ADAM22: variants seen among roughly 807,000 people sequenced by gnomAD.
ADAM22 encodes the protein ADAM metallopeptidase domain 22.
ADAM22 carries 65 observed loss-of-function variants against 144.6 expected under a neutral mutation model. The ratio of observed to expected loss-of-function variants is 0.45; its 90% CI spans 0.37 to 0.55. The LOEUF (loss-of-function observed/expected upper bound fraction) is 0.55. ADAM22 is among the 20% of genes least tolerant of loss of function. ADAM22 has a pLI of 0.00. For missense variants in ADAM22, 974 were observed against 1,184.9 expected (o/e 0.82, Z 2.61); for synonymous variants, 391 against 412.6 (o/e 0.95, Z 0.63).
intron 3 of ADAM22, among the ~76,000 whole-genome samples, chr7:88,007,368 T>C (rs937897002): frequency 6.6e-6 from 1 of 152,288 alleles, no homozygotes; most frequent in African/African-American, 2.4e-5. Context: ...AAGCTACCAA[T>C]GCCTTTCTTC....
chr7:87,956,261 G>A (rs915374068), intron 2 of ADAM22, among the ~76,000 whole-genome samples: 16 of 152,110 alleles, frequency 1.1e-4, no homozygotes, highest in Non-Finnish European at 2.4e-4. Flanking sequence ...TTCCTATTTG[G>A]CCATCTTGGC....
At chr7:88,113,103 C>A (rs1002689756) in intron 5 of ADAM22, among the ~76,000 whole-genome samples, 7 of 150,048 alleles carry the variant, frequency 4.7e-5, no homozygotes, top group African/African-American at 1.7e-4. Context: ...CTTTCTGCAT[C>A]CCCCCTGCCT....
chr7:88,019,421 G>A (rs1230188433), intron 3 of ADAM22, among the ~76,000 whole-genome samples: 1 of 152,166 alleles, frequency 6.6e-6, no homozygotes, highest in Non-Finnish European at 1.5e-5. Context: ...GTTGCAGTGA[G>A]CCGAGATCAT....
chr7:87,965,258 A>G (rs1048883151), intron 2 of ADAM22, among the ~76,000 whole-genome samples: 1 of 152,228 alleles, frequency 6.6e-6, no homozygotes, highest in South Asian at 2.1e-4. Context: ...TGTCGTTTGC[A>G]TATCCTTAAC....
intron 31 of ADAM22, among the ~76,000 whole-genome samples, chr7:88,195,719 G>C (rs1014199329): frequency 6.6e-6 from 1 of 151,850 alleles, no homozygotes. Flanking sequence ...GGGTTTCACC[G>C]TGTTATGCAG....
rs1325707123 is a variant in ADAM22, at chr7:88,200,537, T to G, written c.*4046T>G. The G allele has an allele frequency of 6.6e-6, 1 of 152,224 alleles. No homozygotes were observed. Among genetic ancestry groups the G allele is most frequent in the Non-Finnish European group, 1.5e-5 (1 of 68,046 alleles). 9.4% of individuals were successfully genotyped at this position (152,224 alleles called of 1,614,324 possible). ...TACCAGTTGGTAAGTTGGCATGAAT[T>G]TTCCATGAAACACTTGACTGCCATT... is the stretch of plus-strand genomic sequence containing the variant. On this transcript the variant is annotated 3_prime_UTR_variant, in exon 32 of 32. Transcript: ENST00000413139.
intron 7 of ADAM22, among the ~76,000 whole-genome samples, chr7:88,124,830 G>C (rs1303150470): frequency 1.3e-5 from 2 of 151,922 alleles, no homozygotes. Context: ...CTCTGACCAT[G>C]CTTATTTCTC....
At chr7:87,983,110 A>G (rs1854103450) in intron 3 of ADAM22, among the ~76,000 whole-genome samples, 1 of 152,176 alleles carries the variant, frequency 6.6e-6, no homozygotes, top group Admixed American at 6.5e-5. Context: ...TTTAATAGCT[A>G]GTATGGAAAT....
At chr7:88,001,666 G>A (rs764267346) in intron 3 of ADAM22, among the ~76,000 whole-genome samples, 1 of 151,938 alleles carries the variant, frequency 6.6e-6, no homozygotes, top group Non-Finnish European at 1.5e-5. Flanking sequence ...GAGGTTTAAG[G>A]TCAGAACTGA....
chr7:88,129,785 G>A (rs1831305223), intron 9 of ADAM22, among the ~76,000 whole-genome samples: 2 of 152,064 alleles, frequency 1.3e-5, no homozygotes, highest in East Asian at 3.9e-4. Flanking sequence ...TTGTTTGCCA[G>A]TTATTACCAG....
At chr7:88,131,652 T>C (rs1261182054) in intron 11 of ADAM22, 2 of 551,734 alleles carry the variant, frequency 3.6e-6, no homozygotes, top group Admixed American at 6.4e-5. Context: ...TAATGTTTAA[T>C]TTTTCAAGAT....
At chr7:88,084,584 TC>T (rs1429419862) in intron 4 of ADAM22, among the ~76,000 whole-genome samples, 3 of 152,340 alleles carry the variant, frequency 2.0e-5, no homozygotes, top group Non-Finnish European at 2.9e-5. Context: ...TTCCCTCCTG[TC>T]TCGACTTCTG....
At chr7:88,069,113 C>G (rs995133767) in intron 3 of ADAM22, among the ~76,000 whole-genome samples, 1 of 151,762 alleles carries the variant, frequency 6.6e-6, no homozygotes, top group Non-Finnish European at 1.5e-5. Flanking sequence ...CTCTCTGGCT[C>G]GCTCTCACCC....
chr7:88,053,517 AG>A (rs1807098587), intron 3 of ADAM22, among the ~76,000 whole-genome samples: 1 of 151,508 alleles, frequency 6.6e-6, no homozygotes, highest in Non-Finnish European at 1.5e-5. Context: ...AAATGCTCAG[AG>A]GCATTCTTAG....
intron 3 of ADAM22, among the ~76,000 whole-genome samples, chr7:88,034,430 A>ATTACTCTTCCC (rs1801021170): frequency 6.6e-6 from 1 of 152,060 alleles, no homozygotes; most frequent in Non-Finnish European, 1.5e-5. Context: ...CGATGTCTTC[A>ATTACTCTTCCC]TTACTCTTCC....
chr7:88,071,711 A>G (rs1161798376), intron 3 of ADAM22, among the ~76,000 whole-genome samples: 2 of 152,138 alleles, frequency 1.3e-5, no homozygotes, highest in African/African-American at 4.8e-5. Context: ...TTCTAATTTT[A>G]TAAACATCTT....
intron 25 of ADAM22, among the ~76,000 whole-genome samples, chr7:88,170,738 A>G (rs1398340972): frequency 6.6e-6 from 1 of 152,038 alleles, no homozygotes; most frequent in African/African-American, 2.4e-5. Context: ...GAAGCAGCCC[A>G]AAACTACTCA....
At chr7:88,138,953 G>A (rs1344463102) in intron 14 of ADAM22, among the ~76,000 whole-genome samples, 1 of 152,216 alleles carries the variant, frequency 6.6e-6, no homozygotes, top group African/African-American at 2.4e-5. Context: ...TCCCAGCTCT[G>A]CAGTGGGCAG....
intron 3 of ADAM22, among the ~76,000 whole-genome samples, chr7:88,015,621 C>T (rs1331523460): frequency 6.6e-6 from 1 of 152,150 alleles, no homozygotes; most frequent in Non-Finnish European, 1.5e-5. Flanking sequence ...TATCTTAGTA[C>T]GTTAAATGTC....
Sources: gnomAD v4.1 joint callset for allele counts (sites outside exome capture counted in the v4.1 genomes callset) on GRCh38, gnomAD v4.1.1 for gene constraint, MANE v1.5 for transcripts, NCBI Gene and HGNC (gene_info 2026-07-23, HGNC 2026-07-21) for gene names.